ERCC4: variants seen among roughly 807,000 people sequenced by gnomAD.
The protein encoded by ERCC4 is DNA repair endonuclease XPF.
Under a neutral mutation model 76.9 loss-of-function variants are expected in ERCC4, and 65 were observed. That is an observed-to-expected ratio of 0.84 (90% CI 0.69 to 1.04). ERCC4 has a LOEUF of 1.04. Ranked by LOEUF, ERCC4 falls within the 50% of genes least tolerant of loss-of-function variation. The probability of loss-of-function intolerance (pLI) is 0.00; values close to 1 mark genes in which losing one functional copy is unlikely to be tolerated. For missense variants in ERCC4, 1,214 were observed against 1,128.2 expected (o/e 1.08, Z -1.09); for synonymous variants, 463 against 410.1 (o/e 1.13, Z -1.56).
chr16:13,940,833 A>C (rs1358453596), intron 9 of ERCC4, among the ~76,000 whole-genome samples: 1 of 152,184 alleles, frequency 6.6e-6, no homozygotes, highest in Non-Finnish European at 1.5e-5. Flanking sequence ...TGTTGAGGAG[A>C]GAAGCCTTTC....
Position 13,935,554 on chromosome 16 carries a change from A to T in ERCC4, c.1622A>T (p.Asp541Val), listed in dbSNP as rs2032270734. The T allele has an allele frequency of 6.2e-7, 1 of 1,614,198 alleles. No homozygotes were observed. ...HEEFDVNLSSDAAFGILKEPL... is the reference protein window; with the variant it reads ...HEEFDVNLSSVAAFGILKEPL... ...GAATTTGATGTAAATTTGTCATCGG[A>T]TGCTGCTTTCGGAATCCTGAAAGAA... The change falls in exon 8 of 11, where the codon GAT (aspartate) becomes GTT (valine). Residue 541 changes from aspartate (D) to valine (V), a missense_variant. Coordinates refer to ENST00000311895, the MANE Select transcript of ERCC4 (RefSeq NM_005236.3).
rs397778750 is a variant in ERCC4, at chr16:13,952,292, AT to A, written c.*3953del. On this transcript the variant is annotated 3_prime_UTR_variant, in exon 11 of 11. Coordinates refer to ENST00000311895, the MANE Select transcript of ERCC4 (RefSeq NM_005236.3). Reference sequence around the variant, plus strand: ...TAATTCAAAATCCTGAAAATGTTTCATTTTTTTTGTTTTTGTTATGCAGAAT... The same window carrying A: ...TAATTCAAAATCCTGAAAATGTTTCATTTTTTTGTTTTTGTTATGCAGAAT... 43,869 of 184,282 alleles carry A rather than the reference AT, an allele frequency of 0.24. 5,639 individuals carry two copies. Among genetic ancestry groups the A allele is most frequent in the Middle Eastern group, 0.31 (158 of 510 alleles). 11.4% of individuals were successfully genotyped at this position (184,282 alleles called of 1,614,324 possible).
intron 8 of ERCC4, among the ~76,000 whole-genome samples, chr16:13,937,317 G>A (rs560530242): frequency 1.3e-5 from 2 of 152,034 alleles, no homozygotes; most frequent in Admixed American, 6.5e-5. Flanking sequence ...TATAAAATGT[G>A]TGACCGCTGT....
At chr16:13,943,981 G>T (rs144622363) in intron 9 of ERCC4, 1 of 152,244 alleles carries the variant, frequency 6.6e-6, no homozygotes, top group Admixed American at 6.5e-5. Flanking sequence ...TAGATCTACC[G>T]TATAAGATAT....
At chr16:13,942,294 T>A (rs778061175) in intron 9 of ERCC4, among the ~76,000 whole-genome samples, 1 of 152,224 alleles carries the variant, frequency 6.6e-6, no homozygotes, top group Non-Finnish European at 1.5e-5. Context: ...GCTTATTTTC[T>A]TCATAGTCCA....
At chr16:13,941,616 G>A (rs1393093444) in intron 9 of ERCC4, among the ~76,000 whole-genome samples, 1 of 152,134 alleles carries the variant, frequency 6.6e-6, no homozygotes, top group African/African-American at 2.4e-5. Flanking sequence ...TTAAAGATCT[G>A]TAGATTATAG....
At chr16:13,931,976 G>T in intron 5 of ERCC4, 181 bp from the exon 6 acceptor site, 1 of 643,236 alleles carries the variant, frequency 1.6e-6, no homozygotes, top group East Asian at 2.7e-5. Flanking sequence ...GGAGTTCACG[G>T]ACCACACCCA....
chr16:13,932,447 G>C, intron 6 of ERCC4, 162 bp downstream of exon 6: 1 of 672,936 alleles, frequency 1.5e-6, no homozygotes, highest in African/African-American at 1.8e-5. Context: ...TATGTTGAAA[G>C]TATATATGTA....
intron 4 of ERCC4, among the ~76,000 whole-genome samples, chr16:13,929,150 G>T (rs927325905): frequency 1.3e-4 from 20 of 152,074 alleles, no homozygotes; most frequent in Non-Finnish European, 1.3e-4. Context: ...AAATAAAATT[G>T]TAGCCTAACA....
rs1166423474 is a variant in ERCC4 at position 13,952,117 on chromosome 16, G to A, written c.*3770G>A. 7 of 192,232 alleles carry A rather than the reference G, an allele frequency of 3.6e-5. No individual in the cohort carries two copies. Among genetic ancestry groups the A allele is most frequent in the Non-Finnish European group, 6.5e-5 (6 of 92,182 alleles). The allele number at this position is 192,232 out of a possible 1,614,324, so 11.9% of individuals were successfully genotyped here. ...TGTATAAGCCAAAATTTGGATGGGA[G>A]TGAGACATAACTGATTTATATGAAT... On this transcript the variant is annotated 3_prime_UTR_variant, in exon 11 of 11. Coordinates refer to ENST00000311895, the MANE Select transcript of ERCC4 (RefSeq NM_005236.3).
chr16:13,924,475 C>T (rs1438521071), intron 2 of ERCC4, among the ~76,000 whole-genome samples: 2 of 152,178 alleles, frequency 1.3e-5, no homozygotes, highest in Non-Finnish European at 2.9e-5. Context: ...GCTGTGCCTC[C>T]ACTTTATATT....
At chr16:13,937,086 A>ACTTTTTTTT (rs2032314831) in intron 8 of ERCC4, among the ~76,000 whole-genome samples, 1 of 128,708 alleles carries the variant, frequency 7.8e-6, no homozygotes, top group Admixed American at 7.9e-5. Context: ...TGCTCAACTA[A>ACTTTTTTTT]TTTTTTTTTT....
intron 2 of ERCC4, 35 bp from the exon 3 acceptor site, chr16:13,926,526 T>C (rs2032074533): frequency 1.3e-6 from 2 of 1,563,194 alleles, no homozygotes; most frequent in Non-Finnish European, 8.8e-7. Context: ...ATTACCTACC[T>C]GTTCTGTAGT....
intron 1 of ERCC4, among the ~76,000 whole-genome samples, chr16:13,921,559 A>G (rs889500275): frequency 1.3e-5 from 2 of 152,206 alleles, no homozygotes; most frequent in African/African-American, 2.4e-5. Flanking sequence ...TAAACTGGGG[A>G]TATAAATAAA....
intron 8 of ERCC4, among the ~76,000 whole-genome samples, chr16:13,936,718 C>T (rs541360241): frequency 3.9e-5 from 6 of 152,288 alleles, no homozygotes; most frequent in African/African-American, 2.4e-5. Flanking sequence ...AGTCTCTTGA[C>T]TCATCACCCA....
At chr16:13,941,010 G>A (rs1056263756) in intron 9 of ERCC4, among the ~76,000 whole-genome samples, 1 of 152,090 alleles carries the variant, frequency 6.6e-6, no homozygotes, top group Admixed American at 6.6e-5. Flanking sequence ...AGTGCATCAG[G>A]GAATCTAATC....
Position 13,937,775 on chromosome 16 carries a change from T to G in ERCC4, c.1821T>G (p.Phe607Leu), listed in dbSNP as rs61760161. ...SRPGKPLRVY[F>L]LIYGGSTEEQ... ...CTGTCTTAACATGCAGGGTTTACTT[T>G]CTTATATACGGAGGTTCAACTGAGG... is the stretch of plus-strand genomic sequence containing the variant. Residue 607 changes from phenylalanine (F) to leucine (L), a missense_variant, in exon 9 of 11, where the codon TTT (phenylalanine) becomes TTG (leucine). Phe to Leu is a conservative substitution (Grantham distance 22). Transcript: ENST00000311895. The G allele has an allele frequency of 5.6e-6, 9 of 1,609,616 alleles. No homozygotes were observed. Among genetic ancestry groups the G allele is most frequent in the African/African-American group, 1.3e-5 (1 of 74,828 alleles).
Position 13,935,726 on chromosome 16 carries a change from G to T in ERCC4, c.1794G>T (p.Arg598Ser). ...AGCTTGAAATTTACAGGGCGAGTAG[G>T]CCTGGGAAACCTCTGAGGCAAGTTA... Reference protein sequence around the residue: ...VRQLEIYRASRPGKPLRVYFL... With the variant: ...VRQLEIYRASSPGKPLRVYFL... Residue 598 changes from arginine to serine, a missense_variant, in exon 8 of 11, where the codon AGG becomes AGT. Physicochemically the swap from Arg to Ser is moderately radical, Grantham distance 110. Coordinates refer to ENST00000311895, the MANE Select transcript of ERCC4 (RefSeq NM_005236.3). 1 of 1,613,338 alleles carries T rather than the reference G, an allele frequency of 6.2e-7. No individual in the cohort carries two copies. Among genetic ancestry groups the T allele is most frequent in the Non-Finnish European group, 8.5e-7 (1 of 1,179,242 alleles).
chr16:13,948,989 A>G lies in ERCC4; in HGVS notation c.*642A>G. 8.6e-6 allele frequency: 2 copies of G among 232,812 alleles called. No individual in the cohort carries two copies. Among genetic ancestry groups the G allele is most frequent in the Non-Finnish European group, 1.7e-5 (2 of 117,802 alleles). The allele number at this position is 232,812 out of a possible 1,614,324, so 14.4% of individuals were successfully genotyped here. A position where few individuals can be genotyped will look rare whatever the true frequency, so the allele number is the denominator to read the frequency against. ...TCTACCACATTTTCTTCAGCTCCAT[A>G]CTTCTGCCTGTCTGCTCTAAGGAAA... is the stretch of plus-strand genomic sequence containing the variant. On this transcript the variant is annotated 3_prime_UTR_variant, in exon 11 of 11. Transcript: ENST00000311895.
Sources: gnomAD v4.1 joint callset for allele counts (sites outside exome capture counted in the v4.1 genomes callset) on GRCh38, gnomAD v4.1.1 for gene constraint, MANE v1.5 for transcripts, NCBI Gene and HGNC (gene_info 2026-07-23, HGNC 2026-07-21) for gene names.